Variants in UBP1 observed in about 807,000 individuals in gnomAD.
UBP1 encodes the protein upstream binding protein 1.
In UBP1, 22 loss-of-function variants were observed where a neutral mutation model predicts 76.1. The ratio of observed to expected loss-of-function variants is 0.29; its 90% confidence interval spans 0.21 to 0.41. The LOEUF (loss-of-function observed/expected upper bound fraction) is 0.41. Ranked by LOEUF, UBP1 falls within the 10% of genes least tolerant of loss-of-function variation. The pLI is 1.00. For synonymous variants in UBP1, 224 were observed against 237.1 expected, an observed-to-expected ratio of 0.94 and a Z score of 0.51; for missense variants, 436 against 668.1, an observed-to-expected ratio of 0.65 and a Z score of 3.83.
chr3:33,430,957 T>C (rs2045102914), intron 1 of UBP1, among the ~76,000 whole-genome samples: 1 of 152,120 alleles, frequency 6.6e-6, no homozygotes, highest in Admixed American at 6.5e-5. Flanking sequence ...GCTGGAATTA[T>C]CAGATCCAAA....
intron 1 of UBP1, among the ~76,000 whole-genome samples, chr3:33,428,043 G>A (rs992676366): frequency 1.5e-4 from 23 of 152,234 alleles, no homozygotes; most frequent in Admixed American, 9.8e-4. Context: ...TTAGCTGGGC[G>A]TAGTGGGGCA....
intron 2 of UBP1, 101 bp from the exon 3 acceptor site, chr3:33,416,935 T>C (rs2044743773): frequency 3.0e-6 from 3 of 994,524 alleles, no homozygotes; most frequent in Non-Finnish European, 4.5e-6. Flanking sequence ...CATTACACAA[T>C]GATAGTTTGT....
chr3:33,423,173 G>A (rs1261927374), intron 2 of UBP1, among the ~76,000 whole-genome samples: 2 of 151,858 alleles, frequency 1.3e-5, no homozygotes, highest in African/African-American at 4.8e-5. Flanking sequence ...CTGAGTAGCT[G>A]GGACTACAGG....
intron 11 of UBP1, among the ~76,000 whole-genome samples, chr3:33,399,798 T>C (rs1424129844): frequency 6.6e-6 from 1 of 152,180 alleles, no homozygotes; most frequent in Admixed American, 6.5e-5. Context: ...GGTTTTGCTA[T>C]TGTACTATAA....
intron 2 of UBP1, among the ~76,000 whole-genome samples, chr3:33,422,394 GGAAAA>G (rs2044918618): frequency 6.6e-6 from 1 of 151,598 alleles, no homozygotes; most frequent in Non-Finnish European, 1.5e-5. Context: ...ACAAATAAAA[GGAAAA>G]GAAAAGAAGG....
rs568132636 is a variant in UBP1, at chr3:33,388,960, T to G, written c.*1371A>C. The G allele has an allele frequency of 6.6e-6, 1 of 152,226 alleles. No homozygotes were observed. Among genetic ancestry groups the G allele is most frequent in the East Asian group, 1.9e-4 (1 of 5,186 alleles). 9.4% of individuals were successfully genotyped at this position (152,226 alleles called of 1,614,324 possible). On this transcript the variant is annotated 3_prime_UTR_variant, in exon 16 of 16. Coordinates refer to ENST00000283629, the MANE Select transcript of UBP1 (RefSeq NM_014517.5). ...AATAGTACATTCAAATCAGGACACC[T>G]GGGTATATGGACAAAGATATCCTAC...
At chr3:33,429,731 CACA>C (rs1306366508) in intron 1 of UBP1, among the ~76,000 whole-genome samples, 2 of 152,162 alleles carry the variant, frequency 1.3e-5, no homozygotes, top group East Asian at 1.9e-4. Context: ...ACTTGGAAAT[CACA>C]ACAAGCTTGA....
At chr3:33,404,568 A>C (rs1337413257) in intron 8 of UBP1, among the ~76,000 whole-genome samples, 1 of 151,928 alleles carries the variant, frequency 6.6e-6, no homozygotes, top group African/African-American at 2.4e-5. Context: ...AATTGCTTGA[A>C]TCTGGGAAGG....
rs765583505 is a variant in UBP1 at position 33,400,917 on chromosome 3, T to C, written c.1086+45A>G. ...GCACAAAAACCAAAACTTTAAAATG[T>C]AGAACCCTGAAAGCATCAGATAGTT... On this transcript the variant is annotated intron_variant, in intron 10 of 15. Coordinates refer to ENST00000283629, the MANE Select transcript of UBP1 (RefSeq NM_014517.5). 19 of 1,569,166 alleles carry C rather than the reference T, an allele frequency of 1.2e-5. No homozygotes were observed. The African/African-American group carries it at 1.7e-4, about 14-fold the overall frequency.
intron 1 of UBP1, among the ~76,000 whole-genome samples, chr3:33,428,832 C>T (rs1041793126): frequency 1.4e-4 from 21 of 149,888 alleles, no homozygotes; most frequent in Non-Finnish European, 4.4e-5. Flanking sequence ...AAAAGCCCTA[C>T]GCAACCTGCT....
intron 1 of UBP1, 136 bp from the exon 2 acceptor site, chr3:33,425,877 A>G (rs995225094): frequency 2.6e-6 from 2 of 756,322 alleles, no homozygotes; most frequent in African/African-American, 3.6e-5. Context: ...TTTTTTTTTA[A>G]GATCAGAAAT....
At chr3:33,439,390 TTCTA>T (rs2045251853) in intron 1 of UBP1, among the ~76,000 whole-genome samples, 1 of 152,240 alleles carries the variant, frequency 6.6e-6, no homozygotes, top group Non-Finnish European at 1.5e-5. Context: ...GTACAGTGTA[TTCTA>T]GCTCCAATGG....
At chr3:33,402,985 C>A in intron 8 of UBP1, 81 bp from the exon 9 acceptor site, 4 of 1,187,802 alleles carry the variant, frequency 3.4e-6, no homozygotes, top group Non-Finnish European at 4.8e-6. Flanking sequence ...ACTCACTAAC[C>A]AAATGCAAGA....
intron 9 of UBP1, 56 bp from the exon 10 acceptor site, chr3:33,401,072 A>C (rs1318994922): frequency 4.7e-6 from 7 of 1,486,656 alleles, no homozygotes; most frequent in Non-Finnish European, 6.4e-6. Context: ...TATATGTTTT[A>C]ATCAAGGCAT....
chr3:33,435,084 G>A (rs757229490), intron 1 of UBP1, among the ~76,000 whole-genome samples: 3 of 152,122 alleles, frequency 2.0e-5, no homozygotes, highest in Non-Finnish European at 4.4e-5. Flanking sequence ...TTTACAGAAA[G>A]GTTTGCCAAC....
intron 9 of UBP1, among the ~76,000 whole-genome samples, chr3:33,402,065 A>G (rs2154056157): frequency 6.6e-6 from 1 of 152,316 alleles, no homozygotes; most frequent in Non-Finnish European, 1.5e-5. Flanking sequence ...TGACCGGAGA[A>G]CCTTTTTCTT....
At chr3:33,426,086 A>AT (rs953800451) in intron 1 of UBP1, among the ~76,000 whole-genome samples, 3 of 146,034 alleles carry the variant, frequency 2.1e-5, no homozygotes, top group Admixed American at 6.9e-5. Flanking sequence ...GATTCTTTCT[A>AT]TAAAAAAAAA....
intron 13 of UBP1, among the ~76,000 whole-genome samples, chr3:33,394,198 T>C (rs1010103400): frequency 1.6e-5 from 2 of 125,282 alleles, no homozygotes; most frequent in African/African-American, 9.7e-5. Context: ...ATTTTTATTA[T>C]TATTATTATT....
At chr3:33,406,416 C>T (rs1275187576) in intron 8 of UBP1, among the ~76,000 whole-genome samples, 1 of 152,168 alleles carries the variant, frequency 6.6e-6, no homozygotes, top group Admixed American at 6.5e-5. Flanking sequence ...GAAAGATTTT[C>T]CTGCTACAAC....
Sources: gnomAD v4.1 joint callset for allele counts (sites outside exome capture counted in the v4.1 genomes callset) on GRCh38, gnomAD v4.1.1 for gene constraint, MANE v1.5 for transcripts, NCBI Gene and HGNC (gene_info 2026-07-23, HGNC 2026-07-21) for gene names.